The following SLC6A3 variants were observed in gnomAD, a reference collection of about 807,000 sequenced individuals.
SLC6A3 encodes sodium-dependent dopamine transporter.
A neutral mutation model predicts 70.4 loss-of-function variants in SLC6A3; 19 were observed. That is an observed-to-expected ratio of 0.27 (90% CI 0.19 to 0.40). The LOEUF (loss-of-function observed/expected upper bound fraction) is 0.40. Among genes scored for constraint, SLC6A3 ranks in the 10% least tolerant of loss-of-function variants. The pLI, the probability that SLC6A3 is intolerant of heterozygous loss-of-function variation, is 1.00. For missense variants in SLC6A3, 613 were observed against 838.5 expected, an observed-to-expected ratio of 0.73 and a Z score of 3.32; for synonymous variants, 368 against 356.6, an observed-to-expected ratio of 1.03 and a Z score of -0.36.
Position 1,442,976 on chromosome 5 carries a change from A to G in SLC6A3, c.222T>C (p.Ile74=). 1 of 1,614,204 alleles carries G rather than the reference A, an allele frequency of 6.2e-7. No homozygotes were observed. Among genetic ancestry groups the G allele is most frequent in the Non-Finnish European group, 8.5e-7 (1 of 1,180,046 alleles). ...CGTTGGCCAGGTCCACAGCAAAGCC[A>G]ATGACGGACAGGAGAAAGTCGATCT... ...GKKIDFLLSV[I]GFAVDLANVW... is the part of the protein sequence containing the mutation. The change falls in exon 2 of 15, where the codon ATT becomes ATC. Residue 74 remains isoleucine (I), a synonymous_variant. Coordinates refer to ENST00000270349, the MANE Select transcript of SLC6A3 (RefSeq NM_001044.5). This position sits in a 1 kb window ranked among gnomAD's most constrained non-coding sequence, Gnocchi z 5.0.
At chr5:1,409,362 G>A (rs925784250) in intron 10 of SLC6A3, among the ~76,000 whole-genome samples, 3 of 152,294 alleles carry the variant, frequency 2.0e-5, no homozygotes, top group Non-Finnish European at 2.9e-5. Flanking sequence ...GGAAGCAACC[G>A]AATGCGGAAC....
chr5:1,433,337 C>G (rs1309996745), intron 3 of SLC6A3, among the ~76,000 whole-genome samples: 2 of 152,132 alleles, frequency 1.3e-5, no homozygotes, highest in Non-Finnish European at 2.9e-5. Context: ...TCAAGACTGC[C>G]AATAGTCACT....
chr5:1,403,203 G>A, intron 12 of SLC6A3, 114 bp from the exon 13 acceptor site: 2 of 1,254,124 alleles, frequency 1.6e-6, no homozygotes, highest in Admixed American at 2.0e-5. Context: ...CAGCTGTGCA[G>A]GTGCAGACCC....
intron 11 of SLC6A3, among the ~76,000 whole-genome samples, chr5:1,407,232 T>C (rs941595755): frequency 1.4e-4 from 21 of 152,164 alleles, no homozygotes; most frequent in Admixed American, 2.6e-4. Context: ...CTGCTGAGAT[T>C]TGGGGCAAGT....
rs1020329020 is a variant in SLC6A3 at position 1,421,793 on chromosome 5, G to A, written c.792+83C>T. The A allele has an allele frequency of 2.9e-5, 43 of 1,481,304 alleles. No individual in the cohort carries two copies. Among genetic ancestry groups the A allele is most frequent in the Admixed American group, 6.7e-5 (4 of 59,860 alleles). The allele number at this position is 1,481,304 out of a possible 1,614,324, so 91.8% of individuals were successfully genotyped here. A position where few individuals can be genotyped will look rare whatever the true frequency, so the allele number is the denominator to read the frequency against. Reference sequence around the variant, plus strand: ...GCACAAAACCCAACTGAGGCCACACGTGCACCTCCTGTCCAGCCACGGCCA... The same window carrying A: ...GCACAAAACCCAACTGAGGCCACACATGCACCTCCTGTCCAGCCACGGCCA... On this transcript the variant is annotated intron_variant, in intron 5 of 14. Transcript: ENST00000270349. The surrounding 1 kb of genome is among the most constrained non-coding windows in gnomAD (Gnocchi z 7.2).
chr5:1,407,428 C>G (rs1453655236), intron 11 of SLC6A3, among the ~76,000 whole-genome samples: 1 of 152,258 alleles, frequency 6.6e-6, no homozygotes, highest in East Asian at 1.9e-4. Flanking sequence ...ACCCTGCCTC[C>G]CACCAGCAGG....
rs1401084021 is a variant in SLC6A3, at chr5:1,414,799, T to A, written c.1048A>T (p.Thr350Ser). The A allele has an allele frequency of 1.9e-6, 3 of 1,612,712 alleles. No individual in the cohort carries two copies. Among genetic ancestry groups the A allele is most frequent in the Admixed American group, 3.3e-5 (2 of 59,992 alleles). ...AAGCTCGTCAGGGAGTTGATGGAGG[T>A]GGTGACAATCGCGTCCCTGTAAGAA... Reference protein sequence around the residue: ...NNCYRDAIVTTSINSLTSFSS... With the variant: ...NNCYRDAIVTSSINSLTSFSS... The change falls in exon 8 of 15, where the codon ACC becomes TCC. Residue 350 changes from threonine (T) to serine (S), a missense_variant. Around this residue, in one of 4 missense-constraint regions of SLC6A3, gnomAD observed 348 missense variants for 481.2 expected, o/e 0.72. Transcript: ENST00000270349.
chr5:1,433,749 C>T (rs1275534192), intron 3 of SLC6A3, among the ~76,000 whole-genome samples: 1 of 151,838 alleles, frequency 6.6e-6, no homozygotes, highest in Non-Finnish European at 1.5e-5. Context: ...CCATTCATGG[C>T]CACCCACATC....
rs1013633347 is a variant in SLC6A3 at position 1,408,482 on chromosome 5, A to G, written c.1498+544T>C. Among the ~76,000 whole-genome samples the G allele has an allele frequency of 6.6e-6, 1 of 152,102 alleles. No individual in the cohort carries two copies. Among genetic ancestry groups the G allele is most frequent in the African/African-American group, 2.4e-5 (1 of 41,430 alleles). The stretch of plus-strand genomic sequence containing the variant: ...GTCGAGGTGACTTGGCCAGGTCAGC[A>G]TGTGGGGAAAGGGCAGCCCTGGCTC... On this transcript the variant is annotated intron_variant, in intron 11 of 14. Coordinates refer to ENST00000270349, the MANE Select transcript of SLC6A3 (RefSeq NM_001044.5). The surrounding 1 kb of genome is among the most constrained non-coding windows in gnomAD (Gnocchi z 6.4).
At chr5:1,400,119 GCA>G (rs1755810299) in intron 14 of SLC6A3, among the ~76,000 whole-genome samples, 1 of 152,242 alleles carries the variant, frequency 6.6e-6, no homozygotes, top group South Asian at 2.1e-4. Flanking sequence ...TCTGCTGTCG[GCA>G]TTAGGCTGAC....
chr5:1,439,056 T>C (rs1756905812), intron 3 of SLC6A3, among the ~76,000 whole-genome samples: 1 of 152,116 alleles, frequency 6.6e-6, no homozygotes, highest in Admixed American at 6.5e-5. Context: ...AGGTAACGCG[T>C]GTGTCTTGAA....
intron 4 of SLC6A3, among the ~76,000 whole-genome samples, chr5:1,428,459 C>T: frequency 6.6e-6 from 1 of 152,052 alleles, no homozygotes; most frequent in East Asian, 1.9e-4. Flanking sequence ...GTTATGTGGT[C>T]CTGTGTTGGG....
intron 8 of SLC6A3, among the ~76,000 whole-genome samples, chr5:1,412,184 C>T (rs1314891346): frequency 6.6e-6 from 1 of 152,282 alleles, no homozygotes; most frequent in African/African-American, 2.4e-5. Context: ...GACGTGGCTG[C>T]ACTTGGCCAA....
At chr5:1,410,300 G>A (rs1034590462) in intron 9 of SLC6A3, among the ~76,000 whole-genome samples, 4 of 152,104 alleles carry the variant, frequency 2.6e-5, no homozygotes, top group South Asian at 2.1e-4. Context: ...GTGGGACACC[G>A]TCCAGGCACC....
At position 1,396,371 on chromosome 5, in the gene SLC6A3, C is replaced by G. The variant is rs572740407; in HGVS notation, c.1840-1613G>C. On this transcript the variant is annotated intron_variant, in intron 14 of 14. Coordinates refer to ENST00000270349, the MANE Select transcript of SLC6A3 (RefSeq NM_001044.5). This position sits in a 1 kb window ranked among gnomAD's most constrained non-coding sequence, Gnocchi z 7.0. Reference sequence around the variant, plus strand: ...CGATGACCTTCCAGACCATGGACACCAGACCGTAAGGGTCAGTGGTCCCTG... The same window carrying G: ...CGATGACCTTCCAGACCATGGACACGAGACCGTAAGGGTCAGTGGTCCCTG... 2.6e-5 allele frequency among the ~76,000 whole-genome samples: 4 copies of G among 152,338 alleles called. No homozygotes were observed. Among genetic ancestry groups the G allele is most frequent in the African/African-American group, 9.6e-5 (4 of 41,582 alleles).
chr5:1,409,595 G>A, intron 10 of SLC6A3, 126 bp downstream of exon 10: 1 of 1,066,982 alleles, frequency 9.4e-7, no homozygotes, highest in South Asian at 1.3e-5. Context: ...TTTCTGGGGT[G>A]GGTGGGTTCG....
Position 1,403,050 on chromosome 5 carries a change from G to T in SLC6A3, c.1639C>A (p.His547Asn), listed in dbSNP as rs781299950. 19 of 1,613,610 alleles carry T rather than the reference G, an allele frequency of 1.2e-5. No individual in the cohort carries two copies. Among genetic ancestry groups the T allele is most frequent in the African/African-American group, 1.1e-4 (8 of 74,922 alleles). ...TCGGGGAAGATGTAGGCTCCGTAGT[G>T]GGGGGGTCTGAAGGTCACAATGCTG... Reference protein sequence around the residue: ...VVSIVTFRPPHYGAYIFPDWA... With the variant: ...VVSIVTFRPPNYGAYIFPDWA... Residue 547 changes from histidine to asparagine, a missense_variant, in exon 13 of 15, where the codon CAC (histidine) becomes AAC (asparagine). Around this residue, in one of 4 missense-constraint regions of SLC6A3, gnomAD observed 348 missense variants for 481.2 expected, o/e 0.72. Coordinates refer to ENST00000270349, the MANE Select transcript of SLC6A3 (RefSeq NM_001044.5).
rs367928207 is a variant in SLC6A3, at chr5:1,421,415, G to A, written c.792+461C>T. ...TGTTCTTGAACCCCTGACCTCAGGT[G>A]ATCTGCCCGTCTCAGCCTCCCAAAG... On this transcript the variant is annotated intron_variant, in intron 5 of 14. Coordinates refer to ENST00000270349, the MANE Select transcript of SLC6A3 (RefSeq NM_001044.5). This position sits in a 1 kb window ranked among gnomAD's most constrained non-coding sequence, Gnocchi z 7.2. Among the ~76,000 whole-genome samples, 4 of 152,124 alleles carry A rather than the reference G, an allele frequency of 2.6e-5. No homozygotes were observed. The East Asian group carries it at 7.7e-4, about 29-fold the overall frequency.
At chr5:1,441,008 A>G (rs571024308) in intron 3 of SLC6A3, among the ~76,000 whole-genome samples, 35 of 152,260 alleles carry the variant, frequency 2.3e-4, no homozygotes, top group Non-Finnish European at 4.0e-4. Context: ...TAATAAAGAT[A>G]GATAATGGAT....
Sources: allele counts gnomAD v4.1 joint callset (sites outside exome capture counted in the v4.1 genomes callset), GRCh38; gene constraint gnomAD v4.1.1; regional missense constraint gnomAD v4.1.1; non-coding constraint Gnocchi (gnomAD v3.1); transcripts MANE v1.5; gene names NCBI Gene and HGNC (gene_info 2026-07-23, HGNC 2026-07-21).